The following CWC27 variants were observed in gnomAD, a reference collection of about 807,000 sequenced individuals.
The protein encoded by CWC27 is CWC27 spliceosome associated cyclophilin, also known as spliceosome-associated protein CWC27 homolog.
In CWC27, 47 loss-of-function variants were observed where a neutral mutation model predicts 63.6. The observed-to-expected ratio is 0.74, with a 90% CI of 0.58 to 0.94. The LOEUF is 0.94. CWC27 is among the 40% of genes least tolerant of loss of function. The pLI, the probability that CWC27 is intolerant of heterozygous loss-of-function variation, is 0.00. For synonymous variants in CWC27, 175 were observed against 179.8 expected (o/e 0.97, Z 0.22); for missense variants, 495 against 554.3 (o/e 0.89, Z 1.07).
At chr5:64,851,667 A>G (rs1270931722) in intron 10 of CWC27, among the ~76,000 whole-genome samples, 3 of 152,198 alleles carry the variant, frequency 2.0e-5, no homozygotes. Context: ...AAAAATTTAT[A>G]CAATTATAAA....
chr5:65,007,673 G>T (rs1278673799), intron 13 of CWC27, among the ~76,000 whole-genome samples: 4 of 148,280 alleles, frequency 2.7e-5, no homozygotes, highest in African/African-American at 1.0e-4. Flanking sequence ...TGTCCCCCAG[G>T]CTGGAGTGCA....
At chr5:64,838,425 C>G (rs562441719) in intron 10 of CWC27, among the ~76,000 whole-genome samples, 2 of 152,164 alleles carry the variant, frequency 1.3e-5, no homozygotes, top group Non-Finnish European at 2.9e-5. Context: ...GTTCCTGAAC[C>G]AGGAAAGTTC....
chr5:64,943,506 A>T (rs1748531364), intron 11 of CWC27, among the ~76,000 whole-genome samples: 2 of 152,198 alleles, frequency 1.3e-5, no homozygotes, highest in Admixed American at 1.3e-4. Flanking sequence ...ACATGCTGGT[A>T]TATACCACTA....
At chr5:64,932,110 T>C (rs1369779072) in intron 11 of CWC27, among the ~76,000 whole-genome samples, 1 of 152,174 alleles carries the variant, frequency 6.6e-6, no homozygotes, top group Non-Finnish European at 1.5e-5. Context: ...TTAATTTATT[T>C]AATCTTTAAA....
chr5:64,829,569 A>C (rs1745457055), intron 10 of CWC27, among the ~76,000 whole-genome samples: 2 of 152,224 alleles, frequency 1.3e-5, no homozygotes, highest in African/African-American at 4.8e-5. Flanking sequence ...TTAATTGCTG[A>C]ATATATGCTG....
At chr5:64,838,979 G>T (rs1745734770) in intron 10 of CWC27, among the ~76,000 whole-genome samples, 1 of 152,166 alleles carries the variant, frequency 6.6e-6, no homozygotes, top group African/African-American at 2.4e-5. Flanking sequence ...CTAACAGGAA[G>T]TGAGAAGCTG....
intron 13 of CWC27, among the ~76,000 whole-genome samples, chr5:64,992,563 G>T (rs544275472): frequency 1.3e-5 from 2 of 149,082 alleles, no homozygotes; most frequent in South Asian, 2.1e-4. Flanking sequence ...ACAGAGTATC[G>T]CTCTGTTGCC....
chr5:64,800,489 G>C (rs1011505701), intron 8 of CWC27, among the ~76,000 whole-genome samples, 162 bp downstream of exon 8: 1 of 152,192 alleles, frequency 6.6e-6, no homozygotes, highest in South Asian at 2.1e-4. Context: ...CTTCAAGCTT[G>C]ATAGAGAGAA....
Position 64,801,305 on chromosome 5 carries a change from A to G in CWC27, c.753A>G (p.Glu251=). 1 of 1,418,036 alleles carries G rather than the reference A, an allele frequency of 7.1e-7. No homozygotes were observed. 87.8% of individuals were successfully genotyped at this position (1,418,036 alleles called of 1,614,324 possible). The change falls in exon 9 of 14, where the codon GAA becomes GAG. Residue 251 remains glutamate (E), a synonymous_variant. Coordinates refer to ENST00000381070, the MANE Select transcript of CWC27 (RefSeq NM_005869.4). The part of the protein sequence containing the change: ...HLSSVPVVES[E]KGDAPDLVDD... The stretch of plus-strand genomic sequence containing the variant: ...GTTTTGCTTATTTTTTTTATAGTGA[A>G]AAAGGTGATGCACCAGATTTAGTTG...
rs576940604 is a variant in CWC27, at chr5:64,935,227, T to C, written c.1043-36476T>C. ...GCCTAGGTTTTCTTCTAGGGTTTTA[T>C]GGTCCTAGGTTTTACGTTTAAGTCT... is the stretch of plus-strand genomic sequence containing the variant. On this transcript the variant is annotated intron_variant, in intron 11 of 13. Transcript: ENST00000381070. 1.6e-4 allele frequency among the ~76,000 whole-genome samples: 25 copies of C among 152,356 alleles called. No homozygotes were observed. The East Asian group carries it at 4.8e-3, about 29-fold the overall frequency.
chr5:64,943,713 G>A (rs946224679), intron 11 of CWC27, among the ~76,000 whole-genome samples: 3 of 151,950 alleles, frequency 2.0e-5, no homozygotes, highest in Non-Finnish European at 4.4e-5. Context: ...TTCTTCTCAT[G>A]GTCATAAGAT....
intron 10 of CWC27, among the ~76,000 whole-genome samples, chr5:64,881,110 A>G (rs1746926576): frequency 6.6e-6 from 1 of 152,030 alleles, no homozygotes; most frequent in Admixed American, 6.6e-5. Context: ...AAAAACTTGC[A>G]CTTCGTTTCA....
At chr5:65,007,699 C>G (rs1004308365) in intron 13 of CWC27, among the ~76,000 whole-genome samples, 3 of 150,920 alleles carry the variant, frequency 2.0e-5, no homozygotes, top group African/African-American at 7.3e-5. Context: ...ACAATCTCCC[C>G]TCACTGCAAG....
intron 10 of CWC27, among the ~76,000 whole-genome samples, chr5:64,881,268 C>T (rs1248244955): frequency 2.6e-5 from 4 of 152,046 alleles, no homozygotes; most frequent in Non-Finnish European, 5.9e-5. Context: ...TTCTCTGTCT[C>T]ACCTTGTCAT....
At chr5:64,938,088 C>T (rs533516531) in intron 11 of CWC27, among the ~76,000 whole-genome samples, 1 of 152,174 alleles carries the variant, frequency 6.6e-6, no homozygotes, top group South Asian at 2.1e-4. Context: ...TTAATTGGGG[C>T]ATTTAGCCCA....
chr5:64,861,834 T>C (rs1746419514), intron 10 of CWC27, among the ~76,000 whole-genome samples: 1 of 152,182 alleles, frequency 6.6e-6, no homozygotes, highest in Non-Finnish European at 1.5e-5. Flanking sequence ...GGAATATAGG[T>C]TACTAAACTA....
At chr5:64,982,594 G>A (rs539336880) in intron 13 of CWC27, among the ~76,000 whole-genome samples, 190 of 152,078 alleles carry the variant, frequency 1.2e-3, no homozygotes, top group African/African-American at 4.4e-3. Context: ...TGTTGGGAGA[G>A]TGTTTCAATT....
chr5:64,817,946 T>C (rs1745089934), intron 10 of CWC27, among the ~76,000 whole-genome samples: 1 of 152,182 alleles, frequency 6.6e-6, no homozygotes, highest in Non-Finnish European at 1.5e-5. Context: ...ATTTTTTGTG[T>C]ACTCACATTT....
At chr5:64,992,636 A>G (rs1749557316) in intron 13 of CWC27, among the ~76,000 whole-genome samples, 1 of 149,794 alleles carries the variant, frequency 6.7e-6, no homozygotes, top group Non-Finnish European at 1.5e-5. Flanking sequence ...GGTTCACGCC[A>G]TTCTTCTGCC....
Sources: gnomAD v4.1 joint callset for allele counts (sites outside exome capture counted in the v4.1 genomes callset) on GRCh38, gnomAD v4.1.1 for gene constraint, MANE v1.5 for transcripts, NCBI Gene and HGNC (gene_info 2026-07-23, HGNC 2026-07-21) for gene names.